Variants in PACRG observed in about 807,000 individuals in gnomAD.
PACRG encodes parkin coregulated gene protein.
Under a neutral mutation model 29.7 loss-of-function variants are expected in PACRG, and 29 were observed. The observed-to-expected ratio is 0.98, with a 90% CI of 0.73 to 1.33. The LOEUF is 1.33. Among genes scored for constraint, PACRG ranks in the 40% most tolerant of loss-of-function variants. The probability of loss-of-function intolerance (pLI) is 0.00; values close to 1 mark genes in which losing one functional copy is unlikely to be tolerated. For missense variants in PACRG, 279 were observed against 316.2 expected (o/e 0.88, Z 0.89); for synonymous variants, 116 against 118.7 (o/e 0.98, Z 0.15).
chr6:163,184,183 C>T (rs1031814187), intron 4 of PACRG, among the ~76,000 whole-genome samples: 6 of 152,188 alleles, frequency 3.9e-5, no homozygotes, highest in African/African-American at 1.4e-4. Context: ...AATTTAGCTC[C>T]TTGTGCTCGG....
At chr6:162,801,998 G>A (rs1229466994) in intron 1 of PACRG, among the ~76,000 whole-genome samples, 1 of 152,140 alleles carries the variant, frequency 6.6e-6, no homozygotes, top group East Asian at 1.9e-4. Context: ...ACTGAAACCT[G>A]TAGGTACTCT....
chr6:163,108,077 G>T (rs579982), intron 4 of PACRG, among the ~76,000 whole-genome samples: 65,978 of 151,990 alleles, frequency 0.43, 14,745 homozygotes, highest in African/African-American at 0.55. Context: ...ATGTGGTTTG[G>T]CTTTGTGTCC....
At chr6:163,126,536 C>T (rs917031510) in intron 4 of PACRG, among the ~76,000 whole-genome samples, 2 of 152,224 alleles carry the variant, frequency 1.3e-5, no homozygotes, top group Non-Finnish European at 2.9e-5. Context: ...CAATAATTCT[C>T]TCTGTCTCTC....
At chr6:163,066,159 A>T (rs538512255) in intron 3 of PACRG, among the ~76,000 whole-genome samples, 5 of 152,364 alleles carry the variant, frequency 3.3e-5, no homozygotes, top group Non-Finnish European at 7.3e-5. Context: ...AAATTATAAC[A>T]TAAAGAAAAA....
At chr6:162,814,606 C>T (rs1269183440) in intron 2 of PACRG, among the ~76,000 whole-genome samples, 1 of 152,120 alleles carries the variant, frequency 6.6e-6, no homozygotes, top group Non-Finnish European at 1.5e-5. Context: ...TGGCTGGATA[C>T]GGAGAGCAAC....
intron 2 of PACRG, among the ~76,000 whole-genome samples, chr6:163,052,872 G>A (rs183295813): frequency 6.6e-6 from 1 of 152,156 alleles, no homozygotes; most frequent in African/African-American, 2.4e-5. Context: ...AAGATTTAAA[G>A]GTCACATAGT....
At chr6:163,292,575 A>ATTTATTTAT (rs148488601) in intron 4 of PACRG, among the ~76,000 whole-genome samples, 6 of 97,974 alleles carry the variant, frequency 6.1e-5, no homozygotes, top group African/African-American at 2.2e-4. Flanking sequence ...TAATTTATGT[A>ATTTATTTAT]TTATTTATTT....
intron 1 of PACRG, among the ~76,000 whole-genome samples, chr6:162,785,914 C>T (rs1463225630): frequency 4.6e-5 from 7 of 152,196 alleles, no homozygotes; most frequent in East Asian, 1.9e-4. Context: ...GGCCAGGACC[C>T]GTGGAGGACA....
chr6:162,872,972 TA>T (rs1175489083), intron 2 of PACRG, among the ~76,000 whole-genome samples: 9 of 152,260 alleles, frequency 5.9e-5, no homozygotes, highest in African/African-American at 2.2e-4. Flanking sequence ...ATTAGTACAT[TA>T]AAAAAATTAC....
chr6:162,854,577 A>G (rs1200064229), intron 2 of PACRG, among the ~76,000 whole-genome samples: 7 of 152,210 alleles, frequency 4.6e-5, no homozygotes, highest in Non-Finnish European at 1.0e-4. Context: ...TTCTCTCCAA[A>G]AAGAAATTAA....
intron 2 of PACRG, among the ~76,000 whole-genome samples, chr6:162,950,575 T>G (rs540381063): frequency 1.3e-5 from 2 of 152,310 alleles, no homozygotes; most frequent in East Asian, 3.9e-4. Flanking sequence ...TACAGTGAAT[T>G]TCATGCCTTC....
intron 4 of PACRG, chr6:163,166,359 C>A: frequency 2.7e-6 from 1 of 365,170 alleles, no homozygotes; most frequent in Non-Finnish European, 5.5e-6. Flanking sequence ...TATTGATACC[C>A]CAAGAACTGC....
chr6:162,954,693 A>G (rs759477654), intron 2 of PACRG, among the ~76,000 whole-genome samples: 2 of 152,208 alleles, frequency 1.3e-5, no homozygotes, highest in African/African-American at 4.8e-5. Flanking sequence ...TGCTGGTTGA[A>G]GAAACTGTAC....
chr6:162,893,699 G>T (rs181470739), intron 2 of PACRG, among the ~76,000 whole-genome samples: 2 of 152,170 alleles, frequency 1.3e-5, no homozygotes, highest in African/African-American at 4.8e-5. Context: ...TCGATAGACC[G>T]TGCAGCACTC....
chr6:163,087,816 C>T (rs1204541208), intron 3 of PACRG, among the ~76,000 whole-genome samples: 2 of 148,502 alleles, frequency 1.3e-5, no homozygotes, highest in African/African-American at 2.5e-5. Flanking sequence ...GAGAGTGAGG[C>T]CAGAGGAGAG....
At chr6:163,136,163 C>T (rs138182750) in intron 4 of PACRG, among the ~76,000 whole-genome samples, 2 of 152,210 alleles carry the variant, frequency 1.3e-5, no homozygotes, top group African/African-American at 4.8e-5. Flanking sequence ...TTGATTAAGA[C>T]AACCCTCCAT....
At chr6:162,771,586 T>C (rs1410370833) in intron 1 of PACRG, among the ~76,000 whole-genome samples, 2 of 152,132 alleles carry the variant, frequency 1.3e-5, no homozygotes, top group Admixed American at 1.3e-4. Context: ...TGTACTTTTT[T>C]TTTTGGTACA....
intron 2 of PACRG, among the ~76,000 whole-genome samples, chr6:162,831,831 C>T (rs56404230): frequency 0.11 from 16,073 of 152,236 alleles, 961 homozygotes; most frequent in Middle Eastern, 0.17. Context: ...CTGCAAAGGA[C>T]GTAATCTTGC....
chr6:162,919,361 A>G (rs952260095), intron 2 of PACRG, among the ~76,000 whole-genome samples: 11 of 152,180 alleles, frequency 7.2e-5, no homozygotes, highest in Non-Finnish European at 1.5e-4. Flanking sequence ...TTGGGTGTTA[A>G]TTTCCCTGGT....
Sources: gnomAD v4.1 joint callset for allele counts (sites outside exome capture counted in the v4.1 genomes callset) on GRCh38, gnomAD v4.1.1 for gene constraint, MANE v1.5 for transcripts, NCBI Gene and HGNC (gene_info 2026-07-23, HGNC 2026-07-21) for gene names.